The following CAMK1 variants were observed in gnomAD, a reference collection of about 807,000 sequenced individuals.
CAMK1 encodes the protein calcium/calmodulin-dependent protein kinase type 1.
Under a neutral mutation model 49.1 loss-of-function variants are expected in CAMK1, and 39 were observed. The observed-to-expected ratio is 0.79, with a 90% confidence interval of 0.62 to 1.04. CAMK1 has a LOEUF of 1.04. Ranked by LOEUF, CAMK1 falls within the 50% of genes least tolerant of loss-of-function variation. The pLI, the probability that CAMK1 is intolerant of heterozygous loss-of-function variation, is 0.00. For missense variants in CAMK1, 457 were observed against 472.2 expected (o/e 0.97, Z 0.30); for synonymous variants, 192 against 185.2 (o/e 1.04, Z -0.30).
intron 5 of CAMK1, 22 bp from the exon 6 acceptor site, chr3:9,761,779 GAAGGGGCAATCAGA>G: frequency 1.2e-6 from 2 of 1,613,664 alleles, no homozygotes; most frequent in Non-Finnish European, 1.7e-6. Context: ...GGAGGGAAGA[GAAGGGGCAATCAGA>G]GATGGTTAGA....
rs757321703 is a variant in CAMK1, at chr3:9,761,659, G to A, written c.528C>T (p.Ser176=). ...CGTATCCCGGAGTTCCACAGGCGGT[G>A]GAGAGCACACTGCCCGGGTCCTCCA... ...SKMEDPGSVL[S]TACGTPGYVA... is the part of the protein sequence containing the mutation. The change falls in exon 6 of 12, where the codon TCC becomes TCT. Residue 176 remains serine, a synonymous_variant. Coordinates refer to ENST00000256460, the MANE Select transcript of CAMK1 (RefSeq NM_003656.5). 9 of 1,614,026 alleles carry A rather than the reference G, an allele frequency of 5.6e-6. No homozygotes were observed. The Admixed American group carries it at 8.3e-5, about 15-fold the overall frequency.
chr3:9,763,284 T>C (rs1575244000), intron 3 of CAMK1, 71 bp from the exon 4 acceptor site: 2 of 1,599,104 alleles, frequency 1.3e-6, no homozygotes, highest in East Asian at 4.5e-5. Flanking sequence ...ACTTGGGAAC[T>C]TGGGAGGCTG....
At chr3:9,760,952 C>T (rs955816197) in intron 7 of CAMK1, 184 bp from the exon 8 acceptor site, 38 of 871,548 alleles carry the variant, frequency 4.4e-5, no homozygotes, top group Non-Finnish European at 5.9e-5. Flanking sequence ...CTTGTATGTG[C>T]CGCCATCTTG....
chr3:9,757,663 CCTCCA>C lies in CAMK1; in HGVS notation c.1031-47_1031-43del. The C allele has an allele frequency of 6.2e-7, 1 of 1,614,094 alleles. No homozygotes were observed. Among genetic ancestry groups the C allele is most frequent in the East Asian group, 2.2e-5 (1 of 44,880 alleles). On this transcript the variant is annotated intron_variant, in intron 11 of 11. Coordinates refer to ENST00000256460, the MANE Select transcript of CAMK1 (RefSeq NM_003656.5). This position sits in a 1 kb window ranked among gnomAD's most constrained non-coding sequence, Gnocchi z 4.5. ...AACAGAGGTGGCCGCAGGGGCAGGC[CCTCCA>C]CTCCAGCCCGGGTGCACCTTTGTGG...
intron 8 of CAMK1, 184 bp downstream of exon 8, chr3:9,760,472 G>T: frequency 1.7e-6 from 1 of 574,636 alleles, no homozygotes; most frequent in Non-Finnish European, 3.1e-6. Flanking sequence ...CTCACTCTGG[G>T]AGCCAAGCAG....
chr3:9,766,477 G>A, intron 2 of CAMK1: 4 of 378,588 alleles, frequency 1.1e-5, no homozygotes, highest in South Asian at 2.5e-5. Context: ...TTGGATCCTG[G>A]GTCAAAAAAA....
At chr3:9,763,416 A>AC in intron 3 of CAMK1, 3 of 199,684 alleles carry the variant, frequency 1.5e-5, no homozygotes, top group Non-Finnish European at 2.7e-5. Flanking sequence ...AAAAAAAAAA[A>AC]AAAAAACAGC....
At chr3:9,769,669 C>T (rs2078256896) in intron 1 of CAMK1, among the ~76,000 whole-genome samples, 163 bp downstream of exon 1, 2 of 152,204 alleles carry the variant, frequency 1.3e-5, no homozygotes, top group Admixed American at 1.3e-4. Flanking sequence ...ACCTGCTGGG[C>T]CTGGGACAGA....
rs767265769 is a variant in CAMK1, at chr3:9,767,722, A to T, written c.28T>A (p.Trp10Arg). 1.9e-6 allele frequency: 3 copies of T among 1,613,874 alleles called. No homozygotes were observed. In the East Asian group the frequency reaches 6.7e-5, roughly 36 times the overall value. Reference sequence around the variant, plus strand: ...TCTCTAATGTCCTCCGCCTGCTTCCACCTGGGGCCTTCCACTGCCCCCAGC... The same window carrying T: ...TCTCTAATGTCCTCCGCCTGCTTCCTCCTGGGGCCTTCCACTGCCCCCAGC... MLGAVEGPRWKQAEDIRDIY... is the reference protein window; with the variant it reads MLGAVEGPRRKQAEDIRDIY... Residue 10 changes from tryptophan to arginine, a missense_variant, in exon 2 of 12, where the codon TGG (tryptophan) becomes AGG (arginine). Physicochemically the swap from Trp to Arg is moderately radical, Grantham distance 101. Transcript: ENST00000256460.
In CAMK1 at chr3:9,757,787, G is replaced by A; in HGVS notation, c.972C>T (p.Ser324=). Residue 324 remains serine (S), a synonymous_variant, in exon 11 of 12, where the codon AGC becomes AGT. Transcript: ENST00000256460. The surrounding 1 kb of genome is among the most constrained non-coding windows in gnomAD (Gnocchi z 4.5). ...TCGCCGTCTGCCCCTGCCCCTCCTG[G>A]CTGGTGCCCAGCTGCAGTTTCCTCA... ...RHMRKLQLGT[S]QEGQGQTASH... is the part of the protein sequence containing the mutation. 1 of 1,614,064 alleles carries A rather than the reference G, an allele frequency of 6.2e-7. No individual in the cohort carries two copies. Among genetic ancestry groups the A allele is most frequent in the Non-Finnish European group, 8.5e-7 (1 of 1,179,958 alleles).
rs2077753705 is a variant in CAMK1 at position 9,759,675 on chromosome 3, G to C, written c.821C>G (p.Pro274Arg). The C allele has an allele frequency of 1.2e-6, 2 of 1,614,202 alleles. No homozygotes were observed. The highest frequency in any genetic ancestry group is 4.5e-5 in the East Asian group (2 of 44,888). The change falls in exon 9 of 12, where the codon CCA (proline) becomes CGA (arginine). Residue 274 changes from proline to arginine, a missense_variant. Pro to Arg is a moderately radical substitution (Grantham distance 103). Coordinates refer to ENST00000256460, the MANE Select transcript of CAMK1 (RefSeq NM_003656.5). ...CACAGGTTGTGTGAATTCTCACCATGGGTGCTGCAAGGCCTGCTCACAGGT... is the reference window on the plus strand; with the variant it reads ...CACAGGTTGTGTGAATTCTCACCATCGGTGCTGCAAGGCCTGCTCACAGGT... ...RFTCEQALQHPWIAGDTALDK... is the reference protein window; with the variant it reads ...RFTCEQALQHRWIAGDTALDK...
At position 9,761,863 on chromosome 3, in the gene CAMK1, C is replaced by T. The variant is rs2077892911; in HGVS notation, c.430-106G>A. 2.7e-6 allele frequency: 4 copies of T among 1,488,742 alleles called. No homozygotes were observed. In the African/African-American group the frequency reaches 5.6e-5, roughly 21 times the overall value. 92.2% of individuals were successfully genotyped at this position (1,488,742 alleles called of 1,614,324 possible). ...CTGAGAAATAATGGATCCCCAAAAG[C>T]CACTGTGGCTTCATGGCTGTCATAA... is the stretch of plus-strand genomic sequence containing the variant. On this transcript the variant is annotated intron_variant, in intron 5 of 11. Transcript: ENST00000256460.
At chr3:9,759,166 T>G in intron 10 of CAMK1, 1 of 1,581,102 alleles carries the variant, frequency 6.3e-7, no homozygotes, top group Non-Finnish European at 8.7e-7. Context: ...TATGCCTCAC[T>G]AATTCCTACT....
intron 5 of CAMK1, chr3:9,762,289 T>A (rs1314239348): frequency 1.3e-5 from 2 of 153,680 alleles, no homozygotes; most frequent in Admixed American, 1.3e-4. Context: ...TTTCGGGGAT[T>A]TCTGGCTTTT....
chr3:9,760,893 C>T (rs2077831188), intron 7 of CAMK1, 125 bp from the exon 8 acceptor site: 3 of 1,374,292 alleles, frequency 2.2e-6, no homozygotes, highest in East Asian at 2.5e-5. Context: ...ATAAACTCTA[C>T]CAGCCCTGCC....
At chr3:9,764,617 GT>G (rs202012854) in intron 3 of CAMK1, among the ~76,000 whole-genome samples, 1 of 93,428 alleles carries the variant, frequency 1.1e-5, no homozygotes, top group African/African-American at 3.7e-5. Context: ...TGGCGTTTTT[GT>G]TTTTTTTTTG....
chr3:9,762,832 G>T, intron 5 of CAMK1, 82 bp downstream of exon 5: 2 of 1,420,530 alleles, frequency 1.4e-6, no homozygotes, highest in Non-Finnish European at 2.0e-6. Context: ...GGGGGTGAAA[G>T]TTGCCCAAGG....
At chr3:9,765,225 T>C (rs1231257909) in intron 3 of CAMK1, among the ~76,000 whole-genome samples, 1 of 142,246 alleles carries the variant, frequency 7.0e-6, no homozygotes, top group Non-Finnish European at 1.5e-5. Context: ...AGACTCCATC[T>C]CAAAAAAAAA....
intron 8 of CAMK1, 158 bp downstream of exon 8, chr3:9,760,498 C>T: frequency 1.5e-6 from 1 of 649,300 alleles, no homozygotes; most frequent in Non-Finnish European, 2.7e-6. Context: ...AGTACCCAAG[C>T]AGAAGGAAGA....
Sources: allele counts gnomAD v4.1 joint callset (sites outside exome capture counted in the v4.1 genomes callset), GRCh38; gene constraint gnomAD v4.1.1; non-coding constraint Gnocchi (gnomAD v3.1); transcripts MANE v1.5; gene names NCBI Gene and HGNC (gene_info 2026-07-23, HGNC 2026-07-21).